Variants in UBE2E2 observed in about 807,000 individuals in gnomAD.
The protein encoded by UBE2E2 is ubiquitin-conjugating enzyme E2 E2.
UBE2E2 carries 6 observed loss-of-function variants against 24.7 expected under a neutral mutation model. The ratio of observed to expected loss-of-function variants is 0.24; its 90% CI spans 0.13 to 0.48. The LOEUF (loss-of-function observed/expected upper bound fraction) is 0.48. Ranked by LOEUF, UBE2E2 falls within the 20% of genes least tolerant of loss-of-function variation. The probability of loss-of-function intolerance (pLI) is 0.99; values close to 1 mark genes in which losing one functional copy is unlikely to be tolerated. For missense variants in UBE2E2, 169 were observed against 245.0 expected (o/e 0.69, Z 2.07); for synonymous variants, 104 against 83.6 (o/e 1.24, Z -1.33).
intron 4 of UBE2E2, among the ~76,000 whole-genome samples, chr3:23,500,115 C>T (rs905558170): frequency 3.3e-5 from 5 of 152,050 alleles, no homozygotes; most frequent in African/African-American, 4.8e-5. Flanking sequence ...GCAAGCTAAG[C>T]GCAAGAATCA....
intron 3 of UBE2E2, among the ~76,000 whole-genome samples, chr3:23,300,584 A>T (rs199720519): frequency 0.029 from 4,375 of 152,130 alleles, 107 homozygotes; most frequent in East Asian, 0.13. Context: ...TTGAAAATTC[A>T]TTTCTTTAAG....
At chr3:23,560,624 T>A (rs1289109231) in intron 5 of UBE2E2, among the ~76,000 whole-genome samples, 1 of 152,018 alleles carries the variant, frequency 6.6e-6, no homozygotes, top group East Asian at 1.9e-4. Context: ...TAGTTCTAGA[T>A]CCTTGAGGAA....
rs118171248 is a variant in UBE2E2, at chr3:23,304,829, T to G, written c.227+87517T>G. 7.4e-4 allele frequency among the ~76,000 whole-genome samples: 113 copies of G among 152,268 alleles called. 2 individuals are homozygous for G. In the East Asian group the frequency reaches 0.016, roughly 22 times the overall value. On this transcript the variant is annotated intron_variant, in intron 3 of 5. Transcript: ENST00000396703. ...AGCCTGCCTTAATACCGGGTATGCA[T>G]ACATTTATTCACTTATTCATTGGAG...
At chr3:23,271,591 C>G (rs367746308) in intron 3 of UBE2E2, among the ~76,000 whole-genome samples, 11 of 152,188 alleles carry the variant, frequency 7.2e-5, no homozygotes, top group African/African-American at 2.6e-4. Flanking sequence ...GCTGATTGGT[C>G]CATTTTGACA....
intron 3 of UBE2E2, among the ~76,000 whole-genome samples, chr3:23,483,390 T>C (rs1042464733): frequency 3.9e-5 from 6 of 152,240 alleles, no homozygotes; most frequent in African/African-American, 1.4e-4. Context: ...CATTTGACAC[T>C]GCATGTATGT....
At chr3:23,205,441 T>TA (rs1278081298) in intron 1 of UBE2E2, among the ~76,000 whole-genome samples, 1 of 152,188 alleles carries the variant, frequency 6.6e-6, no homozygotes, top group Non-Finnish European at 1.5e-5. Flanking sequence ...AGTTTACACT[T>TA]ACGACTAATT....
In UBE2E2 at chr3:23,407,150, T is replaced by G. The variant is rs905784545; in HGVS notation, c.228-92458T>G. ...TGTCATCAAGAAGGTATAGTCTCCC[T>G]TTTTCTCTTGAGAACCCTGACTTTC... On this transcript the variant is annotated intron_variant, in intron 3 of 5. Transcript: ENST00000396703. This position sits in a 1 kb window ranked among gnomAD's most constrained non-coding sequence, Gnocchi z 4.0. Among the ~76,000 whole-genome samples the G allele has an allele frequency of 1.4e-4, 21 of 152,112 alleles. No individual in the cohort carries two copies. Among genetic ancestry groups the G allele is most frequent in the African/African-American group, 4.8e-4 (20 of 41,444 alleles).
intron 3 of UBE2E2, among the ~76,000 whole-genome samples, chr3:23,259,346 G>A (rs1383383270): frequency 1.3e-5 from 2 of 152,250 alleles, no homozygotes; most frequent in Admixed American, 1.3e-4. Flanking sequence ...GCATGGTTTG[G>A]CAAGAGGTTA....
At chr3:23,566,730 A>G (rs369096195) in intron 5 of UBE2E2, among the ~76,000 whole-genome samples, 2 of 152,146 alleles carry the variant, frequency 1.3e-5, no homozygotes, top group South Asian at 4.1e-4. Context: ...TGAGCCGTTC[A>G]TGAGGGATCC....
intron 4 of UBE2E2, among the ~76,000 whole-genome samples, chr3:23,515,748 G>A (rs1694720617): frequency 1.3e-5 from 2 of 150,256 alleles, no homozygotes; most frequent in Admixed American, 1.3e-4. Flanking sequence ...CTTGAGGCCA[G>A]AAGTTCACGA....
intron 3 of UBE2E2, among the ~76,000 whole-genome samples, chr3:23,357,213 A>T (rs949936392): frequency 4.6e-5 from 7 of 152,192 alleles, no homozygotes; most frequent in Admixed American, 3.9e-4. Context: ...AGTCACTAGT[A>T]CACCTTATTT....
intron 3 of UBE2E2, among the ~76,000 whole-genome samples, chr3:23,223,025 CTTT>C (rs58129459): frequency 0.016 from 958 of 60,236 alleles, 14 homozygotes; most frequent in African/African-American, 0.063. Flanking sequence ...CCCCCCCCCC[CTTT>C]TTTTTTTTTT....
chr3:23,269,111 C>T (rs1698155987), intron 3 of UBE2E2, among the ~76,000 whole-genome samples: 1 of 151,988 alleles, frequency 6.6e-6, no homozygotes, highest in East Asian at 1.9e-4. Flanking sequence ...TAGAAGAAAA[C>T]CTAGGCATTA....
intron 3 of UBE2E2, among the ~76,000 whole-genome samples, chr3:23,320,131 G>GC (rs1350096272): frequency 6.6e-6 from 1 of 152,200 alleles, no homozygotes; most frequent in Admixed American, 6.5e-5. Context: ...CATGTAGAAA[G>GC]CTGGGGGTTG....
At chr3:23,509,059 A>G (rs1215610544) in intron 4 of UBE2E2, among the ~76,000 whole-genome samples, 1 of 152,242 alleles carries the variant, frequency 6.6e-6, no homozygotes, top group Non-Finnish European at 1.5e-5. Context: ...CAGTATCCCA[A>G]ACATCAAAGG....
intron 5 of UBE2E2, among the ~76,000 whole-genome samples, chr3:23,567,333 G>C (rs569277579): frequency 4.6e-5 from 7 of 152,178 alleles, no homozygotes; most frequent in Non-Finnish European, 7.3e-5. Flanking sequence ...ACAGAATTTC[G>C]TCAGGTGGTA....
At chr3:23,204,238 T>C (rs1696063452) in intron 1 of UBE2E2, among the ~76,000 whole-genome samples, 1 of 151,962 alleles carries the variant, frequency 6.6e-6, no homozygotes, top group South Asian at 2.1e-4. Flanking sequence ...CGTGGCTTCT[T>C]GTGGCTTTTT....
At chr3:23,281,497 C>T (rs942752263) in intron 3 of UBE2E2, among the ~76,000 whole-genome samples, 2 of 152,070 alleles carry the variant, frequency 1.3e-5, no homozygotes, top group Non-Finnish European at 2.9e-5. Context: ...ATTAGTTGGG[C>T]CCAGTGGCAT....
intron 3 of UBE2E2, among the ~76,000 whole-genome samples, chr3:23,399,695 A>C (rs1697172037): frequency 1.3e-5 from 2 of 152,238 alleles, no homozygotes; most frequent in African/African-American, 4.8e-5. Context: ...ATAAAATGAA[A>C]TTTAAACATT....
Sources: gnomAD v4.1 joint callset for allele counts (sites outside exome capture counted in the v4.1 genomes callset) on GRCh38, gnomAD v4.1.1 for gene constraint, Gnocchi (gnomAD v3.1) non-coding constraint, MANE v1.5 for transcripts, NCBI Gene and HGNC (gene_info 2026-07-23, HGNC 2026-07-21) for gene names.